The following ERCC4 variants were observed in gnomAD, a reference collection of about 807,000 sequenced individuals.
ERCC4 encodes the protein ERCC excision repair 4, endonuclease catalytic subunit.
A neutral mutation model predicts 76.9 loss-of-function variants in ERCC4; 65 were observed. The observed-to-expected ratio is 0.84, with a 90% CI of 0.69 to 1.04. ERCC4 has a LOEUF of 1.04. Among genes scored for constraint, ERCC4 ranks in the 50% least tolerant of loss-of-function variants. The pLI, the probability that ERCC4 is intolerant of heterozygous loss-of-function variation, is 0.00. For synonymous variants in ERCC4, 463 were observed against 410.1 expected (o/e 1.13, Z -1.56); for missense variants, 1,214 against 1,128.2 (o/e 1.08, Z -1.09).
At chr16:13,946,868 C>A (rs1261753016) in intron 10 of ERCC4, among the ~76,000 whole-genome samples, 1 of 152,166 alleles carries the variant, frequency 6.6e-6, no homozygotes, top group Non-Finnish European at 1.5e-5. Context: ...TCAAGCAATT[C>A]TCCTGCCACA....
rs3136140 is a variant in ERCC4 at position 13,933,881 on chromosome 16, C to G, written c.1103-311C>G. The G allele has an allele frequency of 0.018, 4,645 of 252,176 alleles. 213 individuals carry two copies. Among genetic ancestry groups the G allele is most frequent in the African/African-American group, 0.098 (4,315 of 43,868 alleles). 15.6% of individuals were successfully genotyped at this position (252,176 alleles called of 1,614,324 possible). On this transcript the variant is annotated intron_variant, in intron 6 of 10. Transcript: ENST00000311895. The stretch of plus-strand genomic sequence containing the variant: ...AAATACTGTCATTGTGTACCGATGC[C>G]TTTGTTTTGTATAGCTGCTTATATA...
At position 13,947,824 on chromosome 16, in the gene ERCC4, G is replaced by A; in HGVS notation, c.2228G>A (p.Ser743Asn). ...TCTTTAAATAACGGCCGCCTCTACA[G>A]CCAGTGCATCTCCATGTCCCGCTAC... Reference protein sequence around the residue: ...IGSLNNGRLYSQCISMSRYYK... With the variant: ...IGSLNNGRLYNQCISMSRYYK... Residue 743 changes from serine (S) to asparagine (N), a missense_variant, in exon 11 of 11, where the codon AGC becomes AAC. By Grantham distance (46) the Ser-to-Asn change is conservative. Coordinates refer to ENST00000311895, the MANE Select transcript of ERCC4 (RefSeq NM_005236.3). 1.2e-6 allele frequency: 2 copies of A among 1,614,168 alleles called. No homozygotes were observed. Among genetic ancestry groups the A allele is most frequent in the Non-Finnish European group, 1.7e-6 (2 of 1,180,028 alleles).
intron 9 of ERCC4, among the ~76,000 whole-genome samples, chr16:13,940,927 G>A (rs2032401405): frequency 6.6e-6 from 1 of 152,220 alleles, no homozygotes; most frequent in Non-Finnish European, 1.5e-5. Context: ...GAGCCTGATA[G>A]AATGGGAGGA....
rs143188036 is a variant in ERCC4, at chr16:13,949,635, G to A, written c.*1288G>A. The A allele has an allele frequency of 6.9e-4, 161 of 232,430 alleles. 1 individual carries two copies. The highest frequency in any genetic ancestry group is 6.5e-3 in the East Asian group (106 of 16,412). 14.4% of individuals were successfully genotyped at this position (232,430 alleles called of 1,614,324 possible). On this transcript the variant is annotated 3_prime_UTR_variant, in exon 11 of 11. Transcript: ENST00000311895. ...ATAAAAATACGAAAGAAATATATAC[G>A]TTTAAAAATCCATAAAGAAAAAAAT...
chr16:13,920,437 C>T (rs2031950026), intron 1 of ERCC4, 65 bp downstream of exon 1: 8 of 1,390,448 alleles, frequency 5.8e-6, no homozygotes, highest in Non-Finnish European at 4.9e-6. Flanking sequence ...TGAGCGGATG[C>T]GAGGCCTCTG....
intron 6 of ERCC4, 62 bp from the exon 7 acceptor site, chr16:13,934,130 C>A: frequency 9.1e-7 from 1 of 1,097,066 alleles, no homozygotes; most frequent in Non-Finnish European, 1.4e-6. Flanking sequence ...TTTTAAAAGC[C>A]TTTGGAAGAC....
intron 4 of ERCC4, among the ~76,000 whole-genome samples, chr16:13,930,114 T>C (rs1008228344): frequency 1.3e-5 from 2 of 152,240 alleles, no homozygotes; most frequent in African/African-American, 4.8e-5. Flanking sequence ...TTATTTAATT[T>C]GTACATGGGC....
chr16:13,934,574 G>C (rs3136147), intron 7 of ERCC4: 2 of 413,620 alleles, frequency 4.8e-6, no homozygotes, highest in Non-Finnish European at 8.8e-6. Flanking sequence ...TTTTAAACTA[G>C]TTGGGTTCTT....
Position 13,947,755 on chromosome 16 carries a change from C to A in ERCC4, c.2159C>A (p.Pro720Gln). 1 of 1,614,240 alleles carries A rather than the reference C, an allele frequency of 6.2e-7. No individual in the cohort carries two copies. Among genetic ancestry groups the A allele is most frequent in the Non-Finnish European group, 8.5e-7 (1 of 1,180,040 alleles). The change falls in exon 11 of 11, where the codon CCA becomes CAA. Residue 720 changes from proline to glutamine, a missense_variant. By Grantham distance (76) the Pro-to-Gln change is moderately conservative (BLOSUM62 -1). Coordinates refer to ENST00000311895, the MANE Select transcript of ERCC4 (RefSeq NM_005236.3). ...GAGGTTGGAGATTACATCCTCACTC[C>A]AGAAATGTGCGTGGAGCGCAAGAGT... is the stretch of plus-strand genomic sequence containing the variant. ...TLEVGDYILT[P>Q]EMCVERKSIS...
chr16:13,930,571 TA>T, intron 4 of ERCC4, 138 bp from the exon 5 acceptor site: 1 of 645,156 alleles, frequency 1.6e-6, no homozygotes, highest in Admixed American at 2.9e-5. Flanking sequence ...TTTATTGTAG[TA>T]AAATATATAT....
rs181178937 is a variant in ERCC4, at chr16:13,951,226, A to G, written c.*2879A>G. On this transcript the variant is annotated 3_prime_UTR_variant, in exon 11 of 11. Coordinates refer to ENST00000311895, the MANE Select transcript of ERCC4 (RefSeq NM_005236.3). ...AGAGATGCATGCAGTTGCAAAATTA[A>G]TGTATTTATTTTCCAGCATAATTTT... 3.2e-5 allele frequency: 6 copies of G among 185,720 alleles called. No individual in the cohort carries two copies. The highest frequency in any genetic ancestry group is 6.8e-5 in the Non-Finnish European group (6 of 87,770). The allele number at this position is 185,720 out of a possible 1,614,324, so 11.5% of individuals were successfully genotyped here.
intron 2 of ERCC4, 56 bp downstream of exon 2, chr16:13,922,267 G>C: frequency 8.8e-7 from 1 of 1,141,988 alleles, no homozygotes; most frequent in Non-Finnish European, 1.3e-6. Context: ...TTTTTTTTAA[G>C]TACAATTTCC....
intron 10 of ERCC4, among the ~76,000 whole-genome samples, chr16:13,945,822 CAGAG>C (rs2032502626): frequency 6.6e-6 from 1 of 152,336 alleles, no homozygotes; most frequent in Admixed American, 6.5e-5. Flanking sequence ...GGGTACCACA[CAGAG>C]AGCTGTTCGT....
At chr16:13,935,845 T>C in intron 8 of ERCC4, 102 bp downstream of exon 8, 1 of 915,514 alleles carries the variant, frequency 1.1e-6, no homozygotes. Context: ...TCCGTTACGA[T>C]GCTGCTTATG....
chr16:13,941,369 A>G (rs2032410372), intron 9 of ERCC4, among the ~76,000 whole-genome samples: 2 of 152,354 alleles, frequency 1.3e-5, no homozygotes, highest in East Asian at 3.9e-4. Context: ...TTACTTTCCC[A>G]GGAAACTTGG....
chr16:13,927,780 T>C (rs779194278), intron 3 of ERCC4: 5 of 478,302 alleles, frequency 1.0e-5, no homozygotes, highest in East Asian at 3.9e-5. Context: ...AGTGAGACTA[T>C]AGAAACAGGT....
chr16:13,922,149 C>T lies in ERCC4; in HGVS notation c.326C>T (p.Ala109Val), dbSNP rs767586458. The change falls in exon 2 of 11, where the codon GCG becomes GTG. Residue 109 changes from alanine to valine, a missense_variant. Coordinates refer to ENST00000311895, the MANE Select transcript of ERCC4 (RefSeq NM_005236.3). ...TACACACAAGGTGGTGTTATATTTG[C>T]GACAAGTAGGATACTTGTGGTTGAC... ...EVYTQGGVIFATSRILVVDFL... is the reference protein window; with the variant it reads ...EVYTQGGVIFVTSRILVVDFL... 5.0e-6 allele frequency: 8 copies of T among 1,612,958 alleles called. No homozygotes were observed. Among genetic ancestry groups the T allele is most frequent in the African/African-American group, 1.3e-5 (1 of 74,992 alleles).
chr16:13,937,891 A>C (rs773189048), intron 9 of ERCC4, 33 bp downstream of exon 9: 2 of 1,341,420 alleles, frequency 1.5e-6, no homozygotes, highest in African/African-American at 1.4e-5. Context: ...GAAAGCCCCA[A>C]CTACATTGGA....
At chr16:13,922,749 C>G (rs376641951) in intron 2 of ERCC4, 2 of 300,360 alleles carry the variant, frequency 6.7e-6, no homozygotes, top group Admixed American at 4.6e-5. Flanking sequence ...GCTGAACGCT[C>G]TACTAGAACC....
Sources: gnomAD v4.1 joint callset for allele counts (sites outside exome capture counted in the v4.1 genomes callset) on GRCh38, gnomAD v4.1.1 for gene constraint, MANE v1.5 for transcripts, NCBI Gene and HGNC (gene_info 2026-07-23, HGNC 2026-07-21) for gene names.